FOXP1: variants seen among roughly 807,000 people sequenced by gnomAD.
FOXP1 encodes the protein forkhead box protein P1.
A neutral mutation model predicts 98.2 loss-of-function variants in FOXP1; 15 were observed. The ratio of observed to expected loss-of-function variants is 0.15; its 90% CI spans 0.10 to 0.24. The LOEUF (loss-of-function observed/expected upper bound fraction) is 0.24, where lower values mean the gene tolerates loss of function less well. Among genes scored for constraint, FOXP1 ranks in the 10% least tolerant of loss-of-function variants. FOXP1 has a pLI of 1.00. For missense variants in FOXP1, 633 were observed against 848.5 expected, an observed-to-expected ratio of 0.75 and a Z score of 3.15; for synonymous variants, 371 against 314.5, an observed-to-expected ratio of 1.18 and a Z score of -1.90.
intron 2 of FOXP1, among the ~76,000 whole-genome samples, chr3:71,542,548 TCTTC>T (rs2044942583): frequency 6.6e-6 from 1 of 152,220 alleles, no homozygotes. Context: ...TTTCCCTGCC[TCTTC>T]CTTCAGCCTG....
intron 5 of FOXP1, among the ~76,000 whole-genome samples, chr3:71,276,696 A>G (rs1441400506): frequency 2.0e-5 from 3 of 152,186 alleles, no homozygotes; most frequent in African/African-American, 7.2e-5. Context: ...ATGCACAGTG[A>G]CCACGTAAGA....
intron 4 of FOXP1, among the ~76,000 whole-genome samples, chr3:71,345,872 A>AT (rs1491386735): frequency 0.018 from 431 of 24,146 alleles, 4 homozygotes; most frequent in African/African-American, 0.078. Context: ...AAGTTTTTGT[A>AT]AAAAAAAAAA....
At chr3:71,253,423 G>T (rs2068378534) in intron 5 of FOXP1, among the ~76,000 whole-genome samples, 1 of 152,118 alleles carries the variant, frequency 6.6e-6, no homozygotes, top group Non-Finnish European at 1.5e-5. Context: ...GTGAGTTGTG[G>T]TGAGAATTAA....
intron 20 of FOXP1, among the ~76,000 whole-genome samples, chr3:70,965,362 T>G (rs1559577460): frequency 6.6e-6 from 1 of 152,230 alleles, no homozygotes; most frequent in Non-Finnish European, 1.5e-5. Flanking sequence ...CGTCTGCTGC[T>G]ATAATGCTCC....
chr3:71,198,627 T>C (rs1165462869), intron 5 of FOXP1, among the ~76,000 whole-genome samples: 1 of 152,248 alleles, frequency 6.6e-6, no homozygotes, highest in Non-Finnish European at 1.5e-5. Flanking sequence ...TTTAAATATA[T>C]TACTTTTTTA....
chr3:71,395,100 C>CAAAAAAA (rs10543398), intron 3 of FOXP1, among the ~76,000 whole-genome samples: 6 of 63,796 alleles, frequency 9.4e-5, no homozygotes, highest in South Asian at 5.8e-4. Context: ...AACCCCGTCA[C>CAAAAAAA]AAAAAAAAAA....
chr3:71,367,309 C>T lies in FOXP1; in HGVS notation c.-167-8065G>A, dbSNP rs190360022. 2.9e-3 allele frequency among the ~76,000 whole-genome samples: 436 copies of T among 152,210 alleles called. 3 individuals carry two copies. The highest frequency in any genetic ancestry group is 0.01 in the African/African-American group (430 of 41,452). On this transcript the variant is annotated intron_variant, in intron 3 of 20. Coordinates refer to ENST00000649528, the MANE Select transcript of FOXP1 (RefSeq NM_001349338.3). ...GTGATCAGCATTCATCAGTGTCTCT[C>T]TCACATACACATACACACTCCCTCT...
At chr3:70,991,936 T>G (rs897454117) in intron 13 of FOXP1, among the ~76,000 whole-genome samples, 1 of 152,190 alleles carries the variant, frequency 6.6e-6, no homozygotes, top group Non-Finnish European at 1.5e-5. Flanking sequence ...TCTCCCTCCC[T>G]GCTCTCATGC....
intron 3 of FOXP1, among the ~76,000 whole-genome samples, chr3:71,432,018 CA>C (rs1361483175): frequency 1.3e-5 from 2 of 152,330 alleles, no homozygotes; most frequent in Admixed American, 6.5e-5. Context: ...GACCAAGCTG[CA>C]GGATCCCTTA....
intron 3 of FOXP1, among the ~76,000 whole-genome samples, chr3:71,463,091 G>A (rs180859164): frequency 1.1e-3 from 167 of 152,264 alleles, no homozygotes; most frequent in African/African-American, 3.8e-3. Flanking sequence ...GGCCAAGCAT[G>A]GTGGCTCACA....
intron 3 of FOXP1, among the ~76,000 whole-genome samples, chr3:71,424,530 T>G (rs1296195006): frequency 6.6e-6 from 1 of 152,154 alleles, no homozygotes; most frequent in African/African-American, 2.4e-5. Context: ...GGAAATTAGG[T>G]GGTTCTGTAA....
chr3:71,194,275 A>G (rs1278370204), intron 6 of FOXP1, among the ~76,000 whole-genome samples: 1 of 151,642 alleles, frequency 6.6e-6, no homozygotes, highest in Admixed American at 6.6e-5. Flanking sequence ...AAAAAAAAAA[A>G]AAGAAAGAAA....
intron 6 of FOXP1, among the ~76,000 whole-genome samples, chr3:71,192,019 A>G (rs973512300): frequency 6.6e-6 from 1 of 152,206 alleles, no homozygotes; most frequent in Non-Finnish European, 1.5e-5. Context: ...AGCCCCCAGC[A>G]CAGTACCTGG....
At chr3:71,276,039 C>T (rs955635246) in intron 5 of FOXP1, 2 of 152,038 alleles carry the variant, frequency 1.3e-5, no homozygotes, top group Non-Finnish European at 2.9e-5. Context: ...AATTAACAAG[C>T]CTGAAAAAAA....
chr3:71,349,212 A>G (rs1044746581), intron 4 of FOXP1, among the ~76,000 whole-genome samples: 3 of 152,248 alleles, frequency 2.0e-5, no homozygotes, highest in African/African-American at 7.2e-5. Flanking sequence ...GATTTTATGT[A>G]TATTCCTAGT....
chr3:71,129,856 T>C (rs1432152293), intron 6 of FOXP1, among the ~76,000 whole-genome samples: 1 of 152,222 alleles, frequency 6.6e-6, no homozygotes. Context: ...AAGGAAAATT[T>C]TGAAAAGAGC....
rs148148292 is a variant in FOXP1, at chr3:71,502,130, T to A, written c.-297-8575A>T. Among the ~76,000 whole-genome samples the A allele has an allele frequency of 4.6e-5, 7 of 152,358 alleles. 1 individual carries two copies. The South Asian group carries it at 1.4e-3, about 32-fold the overall frequency. On this transcript the variant is annotated intron_variant, in intron 2 of 20. Transcript: ENST00000649528. ...AATCATGGGAACTCCAGAATCATTTTCACAAATACCTTCCACTCATGATTC... is the reference window on the plus strand; with the variant it reads ...AATCATGGGAACTCCAGAATCATTTACACAAATACCTTCCACTCATGATTC...
At chr3:71,237,749 ACACATATGGACC>A (rs1410905171) in intron 5 of FOXP1, among the ~76,000 whole-genome samples, 1 of 152,214 alleles carries the variant, frequency 6.6e-6, no homozygotes, top group Non-Finnish European at 1.5e-5. Flanking sequence ...ATATGTGTAA[ACACATATGGACC>A]CACATATCTA....
intron 6 of FOXP1, among the ~76,000 whole-genome samples, chr3:71,122,291 A>G (rs2058835687): frequency 2.0e-5 from 3 of 152,216 alleles, no homozygotes; most frequent in Non-Finnish European, 4.4e-5. Flanking sequence ...AGCAAAGAGT[A>G]AAAATGATTT....
Sources: gnomAD v4.1 joint callset for allele counts (sites outside exome capture counted in the v4.1 genomes callset) on GRCh38, gnomAD v4.1.1 for gene constraint, MANE v1.5 for transcripts, NCBI Gene and HGNC (gene_info 2026-07-23, HGNC 2026-07-21) for gene names.